Variants in REC114 observed in about 807,000 individuals in gnomAD.
The protein encoded by REC114 is REC114 meiotic recombination protein.
In REC114, 27 loss-of-function variants were observed where a neutral mutation model predicts 31.3. That is an observed-to-expected ratio of 0.86 (90% CI 0.64 to 1.19). REC114 has a LOEUF of 1.19. Among genes scored for constraint, REC114 ranks in the 50% most tolerant of loss-of-function variants. The probability of loss-of-function intolerance (pLI) is 0.00; values close to 1 mark genes in which losing one functional copy is unlikely to be tolerated. For missense variants in REC114, 344 were observed against 326.9 expected (o/e 1.05, Z -0.40); for synonymous variants, 134 against 127.7 (o/e 1.05, Z -0.33).
At chr15:73,540,297 A>T (rs1894220626) in intron 2 of REC114, among the ~76,000 whole-genome samples, 188 bp from the exon 3 acceptor site, 1 of 152,244 alleles carries the variant, frequency 6.6e-6, no homozygotes, top group Non-Finnish European at 1.5e-5. Flanking sequence ...CTCATGCAGG[A>T]AAAGCACCAG....
chr15:73,488,016 G>A (rs1893395624), intron 2 of REC114, among the ~76,000 whole-genome samples: 1 of 152,178 alleles, frequency 6.6e-6, no homozygotes, highest in Admixed American at 6.5e-5. Context: ...TGTGCCCTCT[G>A]GAGTGGTGGC....
intron 2 of REC114, among the ~76,000 whole-genome samples, chr15:73,477,886 A>G (rs1893236101): frequency 6.6e-6 from 1 of 152,144 alleles, no homozygotes; most frequent in Non-Finnish European, 1.5e-5. Flanking sequence ...AAAAATTACT[A>G]TATTATGGAA....
At chr15:73,506,624 C>T (rs550871760) in intron 2 of REC114, among the ~76,000 whole-genome samples, 1 of 152,284 alleles carries the variant, frequency 6.6e-6, no homozygotes, top group South Asian at 2.1e-4. Flanking sequence ...TATATATGTT[C>T]ATCAACACTA....
chr15:73,519,391 C>G (rs1458738839), intron 2 of REC114, among the ~76,000 whole-genome samples: 1 of 152,168 alleles, frequency 6.6e-6, no homozygotes. Flanking sequence ...TTGGACTTCC[C>G]AGCCTTCAGA....
chr15:73,490,334 T>G (rs1472460400), intron 2 of REC114, among the ~76,000 whole-genome samples: 1 of 151,854 alleles, frequency 6.6e-6, no homozygotes, highest in Admixed American at 6.5e-5. Context: ...TATTACGTCT[T>G]TGAATATATG....
chr15:73,529,184 C>T (rs1034332977), intron 2 of REC114, among the ~76,000 whole-genome samples: 1 of 151,400 alleles, frequency 6.6e-6, no homozygotes, highest in African/African-American at 2.4e-5. Context: ...GTCGCCCAGG[C>T]TAGAGTGCAG....
chr15:73,470,141 T>A (rs1386112924), intron 1 of REC114, among the ~76,000 whole-genome samples: 1 of 152,174 alleles, frequency 6.6e-6, no homozygotes, highest in Non-Finnish European at 1.5e-5. Context: ...AATATGATTA[T>A]TGATAGGGTT....
chr15:73,468,162 A>G (rs1893086741), intron 1 of REC114, among the ~76,000 whole-genome samples: 2 of 152,236 alleles, frequency 1.3e-5, no homozygotes, highest in Non-Finnish European at 2.9e-5. Context: ...GTATTAGGAC[A>G]TAGACATCTT....
intron 2 of REC114, among the ~76,000 whole-genome samples, chr15:73,487,057 T>C (rs1893381173): frequency 6.6e-6 from 1 of 152,138 alleles, no homozygotes; most frequent in South Asian, 2.1e-4. Flanking sequence ...GAAGCCCTTT[T>C]CTAAGGACCC....
chr15:73,444,910 C>A (rs1200227997), intron 1 of REC114, among the ~76,000 whole-genome samples: 1 of 152,210 alleles, frequency 6.6e-6, no homozygotes, highest in Non-Finnish European at 1.5e-5. Context: ...AAACAACATT[C>A]ATCTCTTTGT....
chr15:73,501,183 A>G (rs1311276966), intron 2 of REC114, among the ~76,000 whole-genome samples: 1 of 152,228 alleles, frequency 6.6e-6, no homozygotes, highest in Non-Finnish European at 1.5e-5. Context: ...TGCTAACTGT[A>G]TATTTTATTG....
intron 2 of REC114, among the ~76,000 whole-genome samples, chr15:73,493,083 C>T (rs2141303852): frequency 6.6e-6 from 1 of 151,620 alleles, no homozygotes. Context: ...GTGGTGTGAT[C>T]ACTGCTGACT....
chr15:73,443,350 G>C lies in REC114; in HGVS notation c.159+6G>C. ...CCCCCTGCCCCACATGGAAGGTGAG[G>C]CCCGAAGGCAGGAATATCCCTGAGG... On this transcript the variant is annotated splice_donor_region_variant and intron_variant, in intron 1 of 5. Transcript: ENST00000331090. 1 of 1,564,074 alleles carries C rather than the reference G, an allele frequency of 6.4e-7. No individual in the cohort carries two copies.
rs535732908 is a variant in REC114 at position 73,468,822 on chromosome 15, T to C, written c.160-5010T>C. Among the ~76,000 whole-genome samples the C allele has an allele frequency of 3.9e-5, 6 of 152,220 alleles. No homozygotes were observed. In the East Asian group the frequency reaches 1.2e-3, roughly 29 times the overall value. ...ATTCTCTCATATTGAGGTGATCATA[T>C]GGTTTTTCTTTTTTAATATGTTAAC... On this transcript the variant is annotated intron_variant, in intron 1 of 5. Coordinates refer to ENST00000331090, the MANE Select transcript of REC114 (RefSeq NM_001042367.2).
chr15:73,501,531 G>A (rs577715230), intron 2 of REC114, among the ~76,000 whole-genome samples: 24 of 152,242 alleles, frequency 1.6e-4, no homozygotes, highest in African/African-American at 5.3e-4. Flanking sequence ...TGCAGCCTCC[G>A]CCTCCCAGGT....
intron 2 of REC114, among the ~76,000 whole-genome samples, chr15:73,513,014 C>T (rs1426519687): frequency 6.6e-6 from 1 of 151,310 alleles, no homozygotes; most frequent in East Asian, 1.9e-4. Flanking sequence ...TGGGGAAGTT[C>T]TCCTGGATAA....
chr15:73,553,050 G>A (rs1894413754), intron 4 of REC114, among the ~76,000 whole-genome samples: 1 of 152,034 alleles, frequency 6.6e-6, no homozygotes, highest in African/African-American at 2.4e-5. Flanking sequence ...CCTGACCTCA[G>A]GAGATCCACC....
chr15:73,474,691 T>A (rs1329321084), intron 2 of REC114, among the ~76,000 whole-genome samples: 2 of 152,196 alleles, frequency 1.3e-5, no homozygotes, highest in African/African-American at 4.8e-5. Context: ...GATATAGCAG[T>A]GAACAGTGAA....
At chr15:73,496,243 T>C (rs1893521563) in intron 2 of REC114, among the ~76,000 whole-genome samples, 1 of 147,430 alleles carries the variant, frequency 6.8e-6, no homozygotes. Context: ...TCCCAGCTAC[T>C]CGGGAGGCTG....
Sources: gnomAD v4.1 joint callset for allele counts (sites outside exome capture counted in the v4.1 genomes callset) on GRCh38, gnomAD v4.1.1 for gene constraint, MANE v1.5 for transcripts, NCBI Gene and HGNC (gene_info 2026-07-23, HGNC 2026-07-21) for gene names.